Variants in RANBP2 observed in about 807,000 individuals in gnomAD.
RANBP2 encodes RAN binding protein 2, also known as E3 SUMO-protein ligase RanBP2.
RANBP2 carries 57 observed loss-of-function variants against 303.6 expected under a neutral mutation model. The ratio of observed to expected loss-of-function variants is 0.19; its 90% CI spans 0.15 to 0.23. The LOEUF (loss-of-function observed/expected upper bound fraction) is 0.23. Among genes scored for constraint, RANBP2 ranks in the 10% least tolerant of loss-of-function variants. The pLI, the probability that RANBP2 is intolerant of heterozygous loss-of-function variation, is 1.00. For missense variants in RANBP2, 3,138 were observed against 3,780.8 expected (o/e 0.83, Z 4.46); for synonymous variants, 1,167 against 1,301.5 (o/e 0.90, Z 2.23).
chr2:109,683,614 G>A, the RANBP2 span, among the ~76,000 whole-genome samples: 24 of 152,084 alleles, frequency 1.6e-4, no homozygotes, highest in East Asian at 7.8e-4. Flanking sequence ...GTGACCATGC[G>A]CCTGGCCGGC....
chr2:108,913,778 G>T, the RANBP2 span, among the ~76,000 whole-genome samples: 2 of 151,832 alleles, frequency 1.3e-5, no homozygotes. Flanking sequence ...GGGAAACCCC[G>T]TCTCTACTAA....
the RANBP2 span, among the ~76,000 whole-genome samples, chr2:108,841,640 GT>G: frequency 2.1e-3 from 318 of 151,942 alleles, 1 homozygote; most frequent in African/African-American, 7.2e-3. Context: ...TCTAGAATGA[GT>G]TTTTTTAATT....
chr2:109,726,524 T>A, the RANBP2 span, among the ~76,000 whole-genome samples: 1 of 151,896 alleles, frequency 6.6e-6, no homozygotes, highest in African/African-American at 2.4e-5. Context: ...ACAGGCAGGG[T>A]CCGTGTCGCA....
At chr2:109,192,908 T>G in the RANBP2 span, among the ~76,000 whole-genome samples, 18 of 152,346 alleles carry the variant, frequency 1.2e-4, no homozygotes, top group African/African-American at 3.8e-4. Context: ...TCCAGTGATA[T>G]GCCAGTTACT....
At chr2:109,635,389 G>T in the RANBP2 span, among the ~76,000 whole-genome samples, 1 of 152,170 alleles carries the variant, frequency 6.6e-6, no homozygotes, top group Non-Finnish European at 1.5e-5. Flanking sequence ...CACAATGTTG[G>T]CCAGGCTGGC....
chr2:108,830,631 ACT>A, the RANBP2 span, among the ~76,000 whole-genome samples: 1 of 150,712 alleles, frequency 6.6e-6, no homozygotes, highest in Non-Finnish European at 1.5e-5. Flanking sequence ...ATGTGGTGAA[ACT>A]CTGTCTCTAC....
the RANBP2 span, among the ~76,000 whole-genome samples, chr2:109,291,228 G>T: frequency 6.6e-6 from 1 of 151,834 alleles, no homozygotes; most frequent in South Asian, 2.1e-4. Flanking sequence ...ATGGAGAAAT[G>T]CCAGAAAGCA....
At chr2:109,635,427 C>A in the RANBP2 span, among the ~76,000 whole-genome samples, 1 of 152,240 alleles carries the variant, frequency 6.6e-6, no homozygotes, top group East Asian at 1.9e-4. Context: ...AGATAATCTG[C>A]CCACCTCGGC....
At chr2:109,412,367 C>G in the RANBP2 span, among the ~76,000 whole-genome samples, 3 of 152,368 alleles carry the variant, frequency 2.0e-5, no homozygotes, top group African/African-American at 7.2e-5. Context: ...CCCAGTGTGG[C>G]CCCAGCGTGG....
chr2:109,025,931 G>A, the RANBP2 span, among the ~76,000 whole-genome samples: 6,246 of 152,134 alleles, frequency 0.041, 411 homozygotes, highest in African/African-American at 0.14. Flanking sequence ...CATTTGGCCT[G>A]GGACAGTCCC....
the RANBP2 span, among the ~76,000 whole-genome samples, chr2:109,653,674 G>A: frequency 6.6e-6 from 1 of 152,162 alleles, no homozygotes; most frequent in African/African-American, 2.4e-5. Context: ...TGGTGGGTAA[G>A]CGGGTCACAC....
chr2:108,772,078 T>A (rs1472379793), intron 21 of RANBP2, among the ~76,000 whole-genome samples: 1 of 152,242 alleles, frequency 6.6e-6, no homozygotes, highest in Non-Finnish European at 1.5e-5. Context: ...TTTGGATGGC[T>A]AATGTGCCAG....
the RANBP2 span, chr2:109,732,722 T>C: frequency 1.6e-6 from 1 of 633,306 alleles, no homozygotes; most frequent in Non-Finnish European, 3.0e-6. Context: ...CCCGCCTTGG[T>C]TTATGTAGGT....
the RANBP2 span, among the ~76,000 whole-genome samples, chr2:109,579,658 C>T: frequency 2.0e-5 from 3 of 150,812 alleles, no homozygotes; most frequent in Non-Finnish European, 2.9e-5. Context: ...GCTGGGATTA[C>T]AGGCATGAGC....
At chr2:108,984,653 T>C in the RANBP2 span, among the ~76,000 whole-genome samples, 2 of 152,120 alleles carry the variant, frequency 1.3e-5, no homozygotes, top group Non-Finnish European at 2.9e-5. Flanking sequence ...ACTACTACCC[T>C]GGGCACCTTC....
the RANBP2 span, among the ~76,000 whole-genome samples, chr2:108,946,845 G>A: frequency 6.6e-6 from 1 of 152,098 alleles, no homozygotes; most frequent in Admixed American, 6.5e-5. Flanking sequence ...AGATTTGGGT[G>A]GGGACACAGA....
At chr2:109,681,370 T>C in the RANBP2 span, among the ~76,000 whole-genome samples, 1 of 152,210 alleles carries the variant, frequency 6.6e-6, no homozygotes, top group Non-Finnish European at 1.5e-5. Flanking sequence ...TTCTTATTTG[T>C]ACACGTATTC....
At chr2:109,007,120 C>T in the RANBP2 span, among the ~76,000 whole-genome samples, 7 of 152,176 alleles carry the variant, frequency 4.6e-5, no homozygotes, top group Admixed American at 6.5e-5. Context: ...TCAGCTTTGA[C>T]GCATTGCATA....
chr2:109,151,051 A>G, the RANBP2 span, among the ~76,000 whole-genome samples: 1 of 152,204 alleles, frequency 6.6e-6, no homozygotes, highest in African/African-American at 2.4e-5. Flanking sequence ...GCTTTTATGG[A>G]TAATATTGCA....
Sources: allele counts gnomAD v4.1 joint callset (sites outside exome capture counted in the v4.1 genomes callset), GRCh38; gene constraint gnomAD v4.1.1; transcripts MANE v1.5; gene names NCBI Gene and HGNC (gene_info 2026-07-23, HGNC 2026-07-21).